The following AHCYL1 variants were observed in gnomAD, a reference collection of about 807,000 sequenced individuals.
AHCYL1 encodes S-adenosylhomocysteine hydrolase-like protein 1.
In AHCYL1, 20 loss-of-function variants were observed where a neutral mutation model predicts 79.3. That is an observed-to-expected ratio of 0.25 (90% confidence interval 0.18 to 0.37). The LOEUF (loss-of-function observed/expected upper bound fraction) is 0.37, where lower values mean the gene tolerates loss of function less well. Among genes scored for constraint, AHCYL1 ranks in the 10% least tolerant of loss-of-function variants. The pLI, the probability that AHCYL1 is intolerant of heterozygous loss-of-function variation, is 1.00. For missense variants in AHCYL1, 330 were observed against 673.6 expected (o/e 0.49, Z 5.65); for synonymous variants, 223 against 242.2 (o/e 0.92, Z 0.74).
rs963658492 is a variant in AHCYL1, at chr1:110,018,066, G to A, written c.1123+50G>A. 4 of 1,588,406 alleles carry A rather than the reference G, an allele frequency of 2.5e-6. No homozygotes were observed. The African/African-American group carries it at 4.0e-5, about 16-fold the overall frequency. On this transcript the variant is annotated intron_variant, in intron 11 of 16. Transcript: ENST00000369799. ...TTTATTCAGAGGCTAAATCTTGAAA[G>A]TAGTCTGAGTGACTTTCATACAAAG...
intron 5 of AHCYL1, among the ~76,000 whole-genome samples, chr1:110,013,639 G>A (rs1489456848): frequency 6.6e-6 from 1 of 151,876 alleles, no homozygotes; most frequent in Non-Finnish European, 1.5e-5. Flanking sequence ...GAACCTGGGA[G>A]GCAGAGGCTG....
intron 1 of AHCYL1, among the ~76,000 whole-genome samples, chr1:109,990,931 GC>G (rs1488540642): frequency 2.6e-5 from 4 of 151,974 alleles, no homozygotes; most frequent in Non-Finnish European, 1.5e-5. Flanking sequence ...CAGCACCCCC[GC>G]CCCCATCCCT....
chr1:109,996,422 G>A (rs1455919876), intron 1 of AHCYL1, among the ~76,000 whole-genome samples: 2 of 152,222 alleles, frequency 1.3e-5, no homozygotes, highest in African/African-American at 4.8e-5. Flanking sequence ...GGCACTTAGG[G>A]TGCATCAGTG....
At position 110,014,704 on chromosome 1, in the gene AHCYL1, G is replaced by T. The variant is rs1049171588; in HGVS notation, c.581-59G>T. 8 of 1,308,086 alleles carry T rather than the reference G, an allele frequency of 6.1e-6. No individual in the cohort carries two copies. In the African/African-American group the frequency reaches 1.2e-4, roughly 19 times the overall value. The allele number at this position is 1,308,086 out of a possible 1,614,324, so 81.0% of individuals were successfully genotyped here. On this transcript the variant is annotated intron_variant, in intron 5 of 16. Coordinates refer to ENST00000369799, the MANE Select transcript of AHCYL1 (RefSeq NM_006621.7). ...TCTCTTCACATGGATCTCAGAAAGT[G>T]ATTTGGTACAGGACACTCCTCAAAG...
At chr1:109,990,728 C>G (rs1649715552) in intron 1 of AHCYL1, among the ~76,000 whole-genome samples, 1 of 152,106 alleles carries the variant, frequency 6.6e-6, no homozygotes, top group African/African-American at 2.4e-5. Flanking sequence ...TTACCATTCC[C>G]CATTCATCCC....
chr1:109,992,205 G>A (rs751551343), intron 1 of AHCYL1, among the ~76,000 whole-genome samples: 6 of 152,006 alleles, frequency 3.9e-5, no homozygotes, highest in African/African-American at 7.2e-5. Flanking sequence ...TCAGGAGATC[G>A]AGACCATCAT....
At chr1:109,993,529 A>G (rs1294049983) in intron 1 of AHCYL1, among the ~76,000 whole-genome samples, 1 of 152,226 alleles carries the variant, frequency 6.6e-6, no homozygotes, top group Non-Finnish European at 1.5e-5. Context: ...GCTTTGACTC[A>G]CTTTCCCTTT....
chr1:109,989,825 A>G (rs1038571559), intron 1 of AHCYL1, among the ~76,000 whole-genome samples: 1 of 152,248 alleles, frequency 6.6e-6, no homozygotes, highest in African/African-American at 2.4e-5. Context: ...AATTCAGAAC[A>G]CATGCTAATG....
At chr1:110,014,889 A>G in intron 6 of AHCYL1, 32 bp downstream of exon 6, 3 of 1,581,300 alleles carry the variant, frequency 1.9e-6, no homozygotes, top group Non-Finnish European at 1.7e-6. Context: ...ACACTTTGAC[A>G]ATAGATTTAT....
chr1:109,989,754 A>G (rs931624833), intron 1 of AHCYL1, among the ~76,000 whole-genome samples: 3 of 152,236 alleles, frequency 2.0e-5, no homozygotes, highest in East Asian at 3.8e-4. Context: ...TTGCATTTTT[A>G]TAAAGAATGT....
intron 5 of AHCYL1, 33 bp downstream of exon 5, chr1:110,013,032 CA>C: frequency 6.5e-7 from 1 of 1,538,868 alleles, no homozygotes; most frequent in Non-Finnish European, 8.9e-7. Flanking sequence ...AACTTTGCCC[CA>C]AAATAGTTAT....
chr1:110,011,190 TG>T, intron 2 of AHCYL1, 23 bp from the exon 3 acceptor site: 1 of 1,611,948 alleles, frequency 6.2e-7, no homozygotes, highest in Non-Finnish European at 8.5e-7. Flanking sequence ...TTTCTATCCT[TG>T]TTTTTTTCTT....
chr1:109,993,001 G>A (rs958229782), intron 1 of AHCYL1, among the ~76,000 whole-genome samples: 1 of 152,190 alleles, frequency 6.6e-6, no homozygotes, highest in East Asian at 1.9e-4. Flanking sequence ...CAAAGCTGAG[G>A]TTGTTGGCAT....
intron 1 of AHCYL1, among the ~76,000 whole-genome samples, chr1:109,986,290 A>G (rs560322416): frequency 2.0e-5 from 3 of 151,682 alleles, no homozygotes; most frequent in South Asian, 2.1e-4. Flanking sequence ...TGAGGCTTCA[A>G]CTAGTTAAGC....
chr1:110,008,386 T>C (rs1650803121), intron 1 of AHCYL1, among the ~76,000 whole-genome samples: 1 of 152,188 alleles, frequency 6.6e-6, no homozygotes, highest in Non-Finnish European at 1.5e-5. Context: ...TGAGTTAGAA[T>C]TTACTATAGT....
chr1:110,014,021 G>A (rs567267699), intron 5 of AHCYL1, among the ~76,000 whole-genome samples: 207 of 151,738 alleles, frequency 1.4e-3, no homozygotes, highest in Non-Finnish European at 2.1e-3. Context: ...GGCTGGTCTC[G>A]AACTCCTGAC....
At chr1:110,004,507 CTTTT>C (rs936539764) in intron 1 of AHCYL1, 1 of 791,754 alleles carries the variant, frequency 1.3e-6, no homozygotes, top group Non-Finnish European at 1.5e-6. Context: ...TTGGGAAACA[CTTTT>C]TTTTTTACTT....
In AHCYL1 at chr1:110,014,864, A is replaced by T; in HGVS notation, c.675+7A>T. 3 of 1,606,362 alleles carry T rather than the reference A, an allele frequency of 1.9e-6. No individual in the cohort carries two copies. In the South Asian group the frequency reaches 3.3e-5, roughly 18 times the overall value. ...TGGGTGGCAGGCCAACATGGTAATAATGCATATACATCCTACACTTTGACA... is the reference window on the plus strand; with the variant it reads ...TGGGTGGCAGGCCAACATGGTAATATTGCATATACATCCTACACTTTGACA... On this transcript the variant is annotated splice_region_variant and intron_variant, in intron 6 of 16. Coordinates refer to ENST00000369799, the MANE Select transcript of AHCYL1 (RefSeq NM_006621.7).
At chr1:109,992,509 A>G (rs74117312) in intron 1 of AHCYL1, among the ~76,000 whole-genome samples, 1,858 of 152,108 alleles carry the variant, frequency 0.012, 41 homozygotes, top group African/African-American at 0.042. Context: ...TAAGGAGAAG[A>G]CTTCAGGTTC....
Sources: allele counts gnomAD v4.1 joint callset (sites outside exome capture counted in the v4.1 genomes callset), GRCh38; gene constraint gnomAD v4.1.1; transcripts MANE v1.5; gene names NCBI Gene and HGNC (gene_info 2026-07-23, HGNC 2026-07-21).